The following ST3GAL3 variants were observed in gnomAD, a reference collection of about 807,000 sequenced individuals.
ST3GAL3 encodes the protein ST3 beta-galactoside alpha-2,3-sialyltransferase 3.
ST3GAL3 carries 21 observed loss-of-function variants against 50.1 expected under a neutral mutation model. The observed-to-expected ratio is 0.42, with a 90% CI of 0.30 to 0.60. The LOEUF (loss-of-function observed/expected upper bound fraction) is 0.60. Ranked by LOEUF, ST3GAL3 falls within the 20% of genes least tolerant of loss-of-function variation. The pLI is 0.19. For missense variants in ST3GAL3, 353 were observed against 489.4 expected, an observed-to-expected ratio of 0.72 and a Z score of 2.63; for synonymous variants, 183 against 190.0, an observed-to-expected ratio of 0.96 and a Z score of 0.30.
chr1:43,904,702 C>T (rs903989810), intron 9 of ST3GAL3, among the ~76,000 whole-genome samples: 5 of 150,432 alleles, frequency 3.3e-5, no homozygotes, highest in East Asian at 2.0e-4. Flanking sequence ...CTCTTCCTCC[C>T]GCTCCCTGTC....
intron 4 of ST3GAL3, among the ~76,000 whole-genome samples, chr1:43,817,732 CCCCTCCTCCTCCT>C (rs2061542960): frequency 2.0e-5 from 2 of 98,926 alleles, no homozygotes; most frequent in Admixed American, 9.6e-5. Flanking sequence ...TCTCCTCCTC[CCCCTCCTCCTCCT>C]TCTTCCTCCT....
intron 2 of ST3GAL3, among the ~76,000 whole-genome samples, chr1:43,741,500 T>C (rs1415276031): frequency 2.6e-5 from 4 of 152,210 alleles, no homozygotes; most frequent in African/African-American, 9.6e-5. Flanking sequence ...TGGAGAATAC[T>C]CTCTGGCACA....
At chr1:43,731,331 C>T (rs1000938049) in intron 1 of ST3GAL3, among the ~76,000 whole-genome samples, 5 of 151,640 alleles carry the variant, frequency 3.3e-5, no homozygotes, top group South Asian at 2.1e-4. Context: ...CCTGCCTCAG[C>T]GTCCCAAGTA....
At chr1:43,918,119 C>CTTTTTTT (rs573834844) in intron 9 of ST3GAL3, among the ~76,000 whole-genome samples, 11,899 of 133,580 alleles carry the variant, frequency 0.089, 827 homozygotes, top group South Asian at 0.21. Flanking sequence ...TTTTCTTTCT[C>CTTTTTTT]TTTTTTTTTT....
At chr1:43,798,517 C>T (rs942359495) in intron 3 of ST3GAL3, among the ~76,000 whole-genome samples, 8 of 152,164 alleles carry the variant, frequency 5.3e-5, no homozygotes, top group African/African-American at 1.9e-4. Context: ...AGGTCCTTTC[C>T]TGCCTCAGGG....
At chr1:43,881,869 G>T (rs1482367465) in intron 5 of ST3GAL3, among the ~76,000 whole-genome samples, 1 of 152,230 alleles carries the variant, frequency 6.6e-6, no homozygotes, top group Non-Finnish European at 1.5e-5. Flanking sequence ...GTGTCCATGA[G>T]GATCACACAG....
At chr1:43,738,018 A>G (rs956362114) in intron 2 of ST3GAL3, 5 of 152,244 alleles carry the variant, frequency 3.3e-5, no homozygotes, top group Admixed American at 3.3e-4. Context: ...CTGGAATTCA[A>G]TTCCTGTCTT....
chr1:43,799,100 T>C (rs1253531915), intron 3 of ST3GAL3, among the ~76,000 whole-genome samples: 1 of 152,238 alleles, frequency 6.6e-6, no homozygotes, highest in African/African-American at 2.4e-5. Context: ...GGTAAAATTA[T>C]GTATGTACGT....
chr1:43,791,106 G>A (rs1006322127), intron 2 of ST3GAL3, among the ~76,000 whole-genome samples: 6 of 152,106 alleles, frequency 3.9e-5, no homozygotes, highest in African/African-American at 1.2e-4. Context: ...TTCTTGTTGG[G>A]TTTGACCCTC....
intron 2 of ST3GAL3, among the ~76,000 whole-genome samples, chr1:43,739,534 A>G (rs1236760281): frequency 2.0e-5 from 3 of 152,038 alleles, no homozygotes; most frequent in Non-Finnish European, 2.9e-5. Context: ...AGTTTTTATT[A>G]TTATATTATT....
chr1:43,722,779 A>C (rs1423777816), intron 1 of ST3GAL3, among the ~76,000 whole-genome samples: 2 of 152,224 alleles, frequency 1.3e-5, no homozygotes, highest in Non-Finnish European at 2.9e-5. Flanking sequence ...TGATTGAGAT[A>C]GTAAATGCTG....
chr1:43,893,359 G>T (rs775243108), intron 5 of ST3GAL3, among the ~76,000 whole-genome samples: 4 of 152,304 alleles, frequency 2.6e-5, no homozygotes, highest in Non-Finnish European at 4.4e-5. Context: ...TCCTGAGCAG[G>T]CCCCATTGCA....
chr1:43,891,806 G>C (rs1255936321), intron 5 of ST3GAL3, among the ~76,000 whole-genome samples: 1 of 152,186 alleles, frequency 6.6e-6, no homozygotes, highest in East Asian at 1.9e-4. Context: ...AAGAGTTAGT[G>C]AGAGAAAGTT....
At chr1:43,870,471 A>T (rs1570271823) in intron 5 of ST3GAL3, among the ~76,000 whole-genome samples, 1 of 152,234 alleles carries the variant, frequency 6.6e-6, no homozygotes, top group Non-Finnish European at 1.5e-5. Context: ...CAGGCTTCCC[A>T]GAAGGGGCTG....
intron 3 of ST3GAL3, among the ~76,000 whole-genome samples, chr1:43,803,019 G>A (rs1478963679): frequency 2.0e-5 from 3 of 151,970 alleles, no homozygotes; most frequent in Non-Finnish European, 2.9e-5. Flanking sequence ...TCCACCTCCC[G>A]GGTTCAAATG....
chr1:43,736,559 T>A (rs1269386744), intron 2 of ST3GAL3, 179 bp downstream of exon 2: 7 of 1,110,340 alleles, frequency 6.3e-6, no homozygotes, highest in Middle Eastern at 2.9e-4. Context: ...AGAACTTTGA[T>A]GTTTTTTAAA....
intron 5 of ST3GAL3, among the ~76,000 whole-genome samples, chr1:43,879,728 G>C (rs755430976): frequency 6.6e-6 from 1 of 152,164 alleles, no homozygotes; most frequent in Non-Finnish European, 1.5e-5. Context: ...CTAGGTTTTG[G>C]CTTGATCAAC....
intron 9 of ST3GAL3, among the ~76,000 whole-genome samples, chr1:43,904,384 A>G (rs1396695201): frequency 6.6e-6 from 1 of 151,370 alleles, no homozygotes; most frequent in Non-Finnish European, 1.5e-5. Flanking sequence ...GCCAGCATTC[A>G]CCACCCAGCC....
At chr1:43,728,018 T>C (rs1333601564) in intron 1 of ST3GAL3, among the ~76,000 whole-genome samples, 1 of 151,984 alleles carries the variant, frequency 6.6e-6, no homozygotes, top group Non-Finnish European at 1.5e-5. Flanking sequence ...CCCTTGCGCC[T>C]TCACCCCTCA....
Sources: allele counts gnomAD v4.1 joint callset (sites outside exome capture counted in the v4.1 genomes callset), GRCh38; gene constraint gnomAD v4.1.1; transcripts MANE v1.5; gene names NCBI Gene and HGNC (gene_info 2026-07-23, HGNC 2026-07-21).